Variants in MSH4 observed in about 807,000 individuals in gnomAD.
MSH4 encodes the protein mutS protein homolog 4.
A neutral mutation model predicts 113.7 loss-of-function variants in MSH4; 106 were observed. The ratio of observed to expected loss-of-function variants is 0.93; its 90% confidence interval spans 0.80 to 1.10. The LOEUF is 1.10. Among genes scored for constraint, MSH4 ranks in the 50% least tolerant of loss-of-function variants. The pLI is 0.00. For synonymous variants in MSH4, 368 were observed against 380.2 expected (o/e 0.97, Z 0.37); for missense variants, 1,061 against 1,093.7 (o/e 0.97, Z 0.42).
chr1:75,819,652 T>C (rs1036591350), intron 6 of MSH4, among the ~76,000 whole-genome samples: 4 of 152,250 alleles, frequency 2.6e-5, no homozygotes, highest in African/African-American at 9.6e-5. Context: ...ATCAGATTTT[T>C]TACATGTATT....
intron 17 of MSH4, among the ~76,000 whole-genome samples, chr1:75,896,417 G>A (rs1042876080): frequency 6.9e-6 from 1 of 144,362 alleles, no homozygotes; most frequent in African/African-American, 2.5e-5. Flanking sequence ...TTTCTCTGGA[G>A]AACCCCATCT....
At chr1:75,880,538 ATAG>A (rs1285368400) in intron 13 of MSH4, among the ~76,000 whole-genome samples, 1 of 152,056 alleles carries the variant, frequency 6.6e-6, no homozygotes, top group Non-Finnish European at 1.5e-5. Context: ...TGGTCATGAA[ATAG>A]TAGCAATACA....
intron 15 of MSH4, among the ~76,000 whole-genome samples, chr1:75,884,821 T>C (rs1052496206): frequency 1.8e-4 from 27 of 151,880 alleles, no homozygotes; most frequent in Non-Finnish European, 3.8e-4. Context: ...GAAGAGTAAA[T>C]ATTTTATTGA....
At chr1:75,835,561 A>G (rs1407002849) in intron 7 of MSH4, among the ~76,000 whole-genome samples, 1 of 152,190 alleles carries the variant, frequency 6.6e-6, no homozygotes, top group African/African-American at 2.4e-5. Flanking sequence ...TGTTTAAGCC[A>G]GAAGTGGTAT....
At chr1:75,828,550 G>A (rs547085521) in intron 7 of MSH4, among the ~76,000 whole-genome samples, 6 of 152,224 alleles carry the variant, frequency 3.9e-5, no homozygotes, top group Admixed American at 1.3e-4. Context: ...GTGAATGAAC[G>A]CAGAAACAGA....
chr1:75,887,217 G>T (rs916084452), intron 15 of MSH4, among the ~76,000 whole-genome samples: 1 of 151,992 alleles, frequency 6.6e-6, no homozygotes, highest in Non-Finnish European at 1.5e-5. Context: ...TTGTTCTTGT[G>T]ATAGTGAATT....
At chr1:75,814,805 C>T (rs1423565443) in intron 4 of MSH4, among the ~76,000 whole-genome samples, 1 of 152,044 alleles carries the variant, frequency 6.6e-6, no homozygotes, top group East Asian at 1.9e-4. Context: ...CATTAAATCT[C>T]ATAAGAGTAA....
At chr1:75,878,074 T>G in intron 10 of MSH4, 75 bp from the exon 11 acceptor site, 1 of 1,142,862 alleles carries the variant, frequency 8.7e-7, no homozygotes, top group Non-Finnish European at 1.2e-6. Flanking sequence ...TATCATCAAT[T>G]GTGATTCAAA....
At position 75,810,758 on chromosome 1, in the gene MSH4, C is replaced by G. The variant is rs554360374; in HGVS notation, c.650C>G (p.Ala217Gly). 2 of 1,592,184 alleles carry G rather than the reference C, an allele frequency of 1.3e-6. No homozygotes were observed. The highest frequency in any genetic ancestry group is 3.6e-5 in the Admixed American group (2 of 56,282). Residue 217 changes from alanine (A) to glycine (G), a missense_variant, in exon 4 of 20, where the codon GCT (alanine) becomes GGT (glycine). Physicochemically the swap from Ala to Gly is moderately conservative, Grantham distance 60. Transcript: ENST00000263187. ...LEIIMSNTAC[A>G]VGNSTKLFTL... ...ATAATAATGTCAAATACTGCTTGTG[C>G]TGTGGGGAATTCCACCAAGTTGTTC...
At chr1:75,894,919 G>A (rs990288330) in intron 17 of MSH4, among the ~76,000 whole-genome samples, 3 of 152,110 alleles carry the variant, frequency 2.0e-5, no homozygotes, top group Admixed American at 2.0e-4. Context: ...TCCAATATAT[G>A]ATGCTGTTTC....
chr1:75,901,139 A>C (rs1652496430), intron 19 of MSH4, among the ~76,000 whole-genome samples: 1 of 152,136 alleles, frequency 6.6e-6, no homozygotes, highest in African/African-American at 2.4e-5. Context: ...CATCACCCCA[A>C]ACATTTATCT....
intron 8 of MSH4, among the ~76,000 whole-genome samples, chr1:75,856,113 C>T (rs965079605): frequency 6.6e-6 from 1 of 151,976 alleles, no homozygotes; most frequent in Non-Finnish European, 1.5e-5. Context: ...AATAGCTTGC[C>T]TGCTTCTATA....
In MSH4 at chr1:75,889,321, T is replaced by C. The variant is rs1652199617; in HGVS notation, c.2178T>C (p.Asp726=). 1 of 1,537,198 alleles carries C rather than the reference T, an allele frequency of 6.5e-7. No homozygotes were observed. The highest frequency in any genetic ancestry group is 8.9e-7 in the Non-Finnish European group (1 of 1,128,058). ...AKQIFTRIST[D]DDIETNSSTF... ...AGATTTTTACAAGAATTAGTACTGATGATGATATCGAAACAAATTCATCAA... is the reference window on the plus strand; with the variant it reads ...AGATTTTTACAAGAATTAGTACTGACGATGATATCGAAACAAATTCATCAA... Residue 726 remains aspartate, a synonymous_variant, in exon 16 of 20, where the codon GAT becomes GAC. Transcript: ENST00000263187.
At chr1:75,869,543 G>T (rs1292680769) in intron 9 of MSH4, among the ~76,000 whole-genome samples, 3 of 152,130 alleles carry the variant, frequency 2.0e-5, no homozygotes. Flanking sequence ...TGGTTTTCTG[G>T]CCCCGCTTGC....
intron 15 of MSH4, among the ~76,000 whole-genome samples, chr1:75,885,087 G>A (rs1570987849): frequency 8.3e-6 from 1 of 119,838 alleles, no homozygotes; most frequent in East Asian, 2.2e-4. Flanking sequence ...CAGCCAGGAG[G>A]CTTCTGTAAT....
At chr1:75,880,777 TG>T (rs1250881812) in intron 13 of MSH4, among the ~76,000 whole-genome samples, 4 of 151,994 alleles carry the variant, frequency 2.6e-5, no homozygotes, top group Non-Finnish European at 4.4e-5. Context: ...ATATTGTGTC[TG>T]TGTGCATGTG....
intron 7 of MSH4, among the ~76,000 whole-genome samples, chr1:75,839,133 A>G (rs1557504204): frequency 6.6e-6 from 1 of 152,170 alleles, no homozygotes; most frequent in African/African-American, 2.4e-5. Flanking sequence ...TAATTTTGAT[A>G]TATTTTAAGT....
intron 1 of MSH4, among the ~76,000 whole-genome samples, chr1:75,799,597 C>T (rs1272172274): frequency 6.6e-6 from 1 of 152,192 alleles, no homozygotes; most frequent in Non-Finnish European, 1.5e-5. Context: ...AGCTGGAGCG[C>T]ATTCTTGAGA....
intron 19 of MSH4, 36 bp from the exon 20 acceptor site, chr1:75,912,660 G>A (rs759773094): frequency 2.6e-4 from 281 of 1,081,966 alleles, no homozygotes; most frequent in Non-Finnish European, 2.7e-4. Context: ...TGGTATTTGT[G>A]TATATATATA....
Sources: gnomAD v4.1 joint callset for allele counts (sites outside exome capture counted in the v4.1 genomes callset) on GRCh38, gnomAD v4.1.1 for gene constraint, MANE v1.5 for transcripts, NCBI Gene and HGNC (gene_info 2026-07-23, HGNC 2026-07-21) for gene names.